ERMAP: variants seen among roughly 807,000 people sequenced by gnomAD.
ERMAP encodes the protein erythroid membrane-associated protein.
Under a neutral mutation model 49.5 loss-of-function variants are expected in ERMAP, and 34 were observed. That is an observed-to-expected ratio of 0.69 (90% CI 0.52 to 0.91). The LOEUF (loss-of-function observed/expected upper bound fraction) is 0.91. Among genes scored for constraint, ERMAP ranks in the 40% least tolerant of loss-of-function variants. ERMAP has a pLI of 0.00. For missense variants in ERMAP, 541 were observed against 582.6 expected (o/e 0.93, Z 0.74); for synonymous variants, 214 against 232.2 (o/e 0.92, Z 0.71).
Position 42,830,517 on chromosome 1 carries a change from G to A in ERMAP, c.69G>A (p.Leu23=), listed in dbSNP as rs769047751. The A allele has an allele frequency of 4.3e-6, 7 of 1,614,130 alleles. No homozygotes were observed. The South Asian group carries it at 7.7e-5, about 18-fold the overall frequency. Residue 23 remains leucine (L), a synonymous_variant, in exon 3 of 12, where the codon CTG becomes CTA. Transcript: ENST00000372517. ...GCLIPLVFLR[L]SVHVSGHAGD... is the part of the protein sequence containing the mutation. ...TCATCCCTCTCGTCTTCCTCCGGCTGTCTGTGCATGTGTCAGGTAGGAGTT... is the reference window on the plus strand; with the variant it reads ...TCATCCCTCTCGTCTTCCTCCGGCTATCTGTGCATGTGTCAGGTAGGAGTT...
chr1:42,840,565 T>C lies in ERMAP; in HGVS notation c.712+269T>C, dbSNP rs77772507. Among the ~76,000 whole-genome samples, 526 of 152,320 alleles carry C rather than the reference T, an allele frequency of 3.5e-3. 3 individuals carry two copies. The highest frequency in any genetic ancestry group is 0.012 in the African/African-American group (495 of 41,570). On this transcript the variant is annotated intron_variant, in intron 11 of 11. Coordinates refer to ENST00000372517, the MANE Select transcript of ERMAP (RefSeq NM_001017922.2). ...TCTGTGGTTTTTGAGATTTTTCCTATGTTTATCAGTTATTTGTATTTCTTC... is the reference window on the plus strand; with the variant it reads ...TCTGTGGTTTTTGAGATTTTTCCTACGTTTATCAGTTATTTGTATTTCTTC...
chr1:42,841,436 C>T (rs2124362038), intron 11 of ERMAP, among the ~76,000 whole-genome samples: 1 of 152,218 alleles, frequency 6.6e-6, no homozygotes, highest in Admixed American at 6.5e-5. Context: ...TCACCTGAGG[C>T]CAGGAATTCA....
chr1:42,820,755 A>C (rs752439945), intron 1 of ERMAP, among the ~76,000 whole-genome samples: 2 of 151,880 alleles, frequency 1.3e-5, no homozygotes, highest in African/African-American at 2.4e-5. Context: ...CATATTTCTG[A>C]GGATTCCAGT....
chr1:42,829,772 A>G (rs1417563580), intron 2 of ERMAP: 10 of 152,408 alleles, frequency 6.6e-5, no homozygotes, highest in Non-Finnish European at 1.5e-4. Context: ...GTTTCCCTTC[A>G]TAGATTAAGA....
chr1:42,820,869 A>G (rs1654387148), intron 1 of ERMAP, among the ~76,000 whole-genome samples: 1 of 152,290 alleles, frequency 6.6e-6, no homozygotes, highest in East Asian at 1.9e-4. Context: ...AACAGCTACC[A>G]TTGAGTATCA....
intron 4 of ERMAP, among the ~76,000 whole-genome samples, chr1:42,833,724 C>A (rs940616330): frequency 6.6e-6 from 1 of 151,788 alleles, no homozygotes; most frequent in African/African-American, 2.4e-5. Context: ...CTTATTTTTT[C>A]TTTTTTATTT....
chr1:42,823,060 G>A (rs1036452950), intron 1 of ERMAP, among the ~76,000 whole-genome samples: 1 of 152,180 alleles, frequency 6.6e-6, no homozygotes, highest in African/African-American at 2.4e-5. Flanking sequence ...TTTTGTGGTT[G>A]AAGTGTATGC....
rs202198926 is a variant in ERMAP, at chr1:42,842,696, T to C, written c.892T>C (p.Tyr298His). The change falls in exon 12 of 12, where the codon TAT becomes CAT. Residue 298 changes from tyrosine to histidine, a missense_variant. Physicochemically the swap from Tyr to His is moderately conservative, Grantham distance 83. Transcript: ENST00000372517. ...FTTGCHYWEV[Y>H]VGDKTKWILG... ...GACTGGCTGCCACTACTGGGAGGTG[T>C]ATGTGGGAGACAAGACCAAATGGAT... 48 of 1,614,078 alleles carry C rather than the reference T, an allele frequency of 3.0e-5. No homozygotes were observed. In the East Asian group the frequency reaches 9.6e-4, roughly 32 times the overall value.
At chr1:42,840,410 A>G in intron 11 of ERMAP, 114 bp downstream of exon 11, 2 of 1,287,028 alleles carry the variant, frequency 1.6e-6, no homozygotes, top group South Asian at 1.3e-5. Context: ...AAATTTTTAA[A>G]TCAAATCTGT....
intron 4 of ERMAP, among the ~76,000 whole-genome samples, chr1:42,832,526 C>T (rs1654776687): frequency 6.6e-6 from 1 of 152,018 alleles, no homozygotes; most frequent in Admixed American, 6.6e-5. Flanking sequence ...GCCACCACGC[C>T]CGGCTAATTT....
intron 7 of ERMAP, 110 bp downstream of exon 7, chr1:42,837,300 C>G (rs1466548): frequency 0.38 from 440,477 of 1,154,956 alleles, 85,966 homozygotes; most frequent in East Asian, 0.53. Flanking sequence ...ACTGTACACA[C>G]ATGCACACAT....
At chr1:42,832,750 A>T (rs1654784285) in intron 4 of ERMAP, among the ~76,000 whole-genome samples, 1 of 152,236 alleles carries the variant, frequency 6.6e-6, no homozygotes, top group South Asian at 2.1e-4. Context: ...TGAATTTTTA[A>T]ATGTCTGAGA....
At chr1:42,827,166 G>C (rs1654579258) in intron 2 of ERMAP, among the ~76,000 whole-genome samples, 1 of 152,104 alleles carries the variant, frequency 6.6e-6, no homozygotes, top group South Asian at 2.1e-4. Context: ...AGTATATAAA[G>C]TATTTATTTA....
chr1:42,841,705 G>A (rs1349869824), intron 11 of ERMAP, among the ~76,000 whole-genome samples: 2 of 152,204 alleles, frequency 1.3e-5, no homozygotes, highest in Admixed American at 6.5e-5. Context: ...AAGGTTCAGA[G>A]ATGAGTAACA....
At position 42,817,197 on chromosome 1, in the gene ERMAP, G is replaced by A. The variant is rs1570521493; in HGVS notation, c.-178G>A. 3 of 1,250,378 alleles carry A rather than the reference G, an allele frequency of 2.4e-6. No homozygotes were observed. The highest frequency in any genetic ancestry group is 3.2e-5 in the African/African-American group (2 of 62,014). 77.5% of individuals were successfully genotyped at this position (1,250,378 alleles called of 1,614,324 possible). A position where few individuals can be genotyped will look rare whatever the true frequency, so the allele number is the denominator to read the frequency against. On this transcript the variant is annotated 5_prime_UTR_variant, in exon 1 of 12. Coordinates refer to ENST00000372517, the MANE Select transcript of ERMAP (RefSeq NM_001017922.2). Reference sequence around the variant, plus strand: ...AGGCTTGGGAGTCTGTACCTTTCCCGACCGGGCCACTGGAAGTTGGAGCCT... The same window carrying A: ...AGGCTTGGGAGTCTGTACCTTTCCCAACCGGGCCACTGGAAGTTGGAGCCT...
chr1:42,823,572 A>C (rs1054500736), intron 1 of ERMAP, among the ~76,000 whole-genome samples: 10 of 152,212 alleles, frequency 6.6e-5, no homozygotes, highest in Admixed American at 2.6e-4. Flanking sequence ...ATGCCTGCCA[A>C]ATACCCAAGT....
chr1:42,833,628 C>T (rs555090461), intron 4 of ERMAP, among the ~76,000 whole-genome samples: 3 of 152,158 alleles, frequency 2.0e-5, no homozygotes, highest in Admixed American at 1.3e-4. Flanking sequence ...CATCTTTGAA[C>T]GTATTTTGGA....
At chr1:42,836,619 G>A (rs994390223) in intron 6 of ERMAP, among the ~76,000 whole-genome samples, 1 of 152,144 alleles carries the variant, frequency 6.6e-6, no homozygotes, top group African/African-American at 2.4e-5. Context: ...ACTTTGGGAG[G>A]CTGAAGAGGG....
chr1:42,842,851 C>G lies in ERMAP; in HGVS notation c.1047C>G (p.Phe349Leu). The change falls in exon 12 of 12, where the codon TTC becomes TTG. Residue 349 changes from phenylalanine to leucine, a missense_variant. Transcript: ENST00000372517. ...YEALTSPQTS[F>L]RLKEPPRCVG... ...CTCTCACATCCCCGCAGACCTCCTTCCGCCTTAAAGAGCCTCCACGGTGTG... is the reference window on the plus strand; with the variant it reads ...CTCTCACATCCCCGCAGACCTCCTTGCGCCTTAAAGAGCCTCCACGGTGTG... 1 of 1,614,206 alleles carries G rather than the reference C, an allele frequency of 6.2e-7. No individual in the cohort carries two copies. The highest frequency in any genetic ancestry group is 8.5e-7 in the Non-Finnish European group (1 of 1,180,040).
Sources: gnomAD v4.1 joint callset for allele counts (sites outside exome capture counted in the v4.1 genomes callset) on GRCh38, gnomAD v4.1.1 for gene constraint, MANE v1.5 for transcripts, NCBI Gene and HGNC (gene_info 2026-07-23, HGNC 2026-07-21) for gene names.